FGF10: variants seen among roughly 807,000 people sequenced by gnomAD.
FGF10 encodes the protein FGF-10.
FGF10 carries 2 observed loss-of-function variants against 19.8 expected under a neutral mutation model. The observed-to-expected ratio is 0.10, with a 90% CI of 0.04 to 0.32. FGF10 has a LOEUF of 0.32. FGF10 is among the 10% of genes least tolerant of loss of function. The probability of loss-of-function intolerance (pLI) is 1.00; values close to 1 mark genes in which losing one functional copy is unlikely to be tolerated. For missense variants in FGF10, 191 were observed against 246.3 expected (o/e 0.78, Z 1.50); for synonymous variants, 112 against 94.0 (o/e 1.19, Z -1.10).
Position 44,304,232 on chromosome 5 carries a change from T to C in FGF10, c.*763A>G, listed in dbSNP as rs1218214896. 1 of 152,176 alleles carries C rather than the reference T, an allele frequency of 6.6e-6. No individual in the cohort carries two copies. Among genetic ancestry groups the C allele is most frequent in the Non-Finnish European group, 1.5e-5 (1 of 68,042 alleles). 9.4% of individuals were successfully genotyped at this position (152,176 alleles called of 1,614,324 possible). On this transcript the variant is annotated 3_prime_UTR_variant, in exon 3 of 3. Transcript: ENST00000264664. ...ATCCCAACTCCTATTTTTGAAGTGT[T>C]CGCCAAGTTTTAAAAACACTTTGTC... is the stretch of plus-strand genomic sequence containing the variant.
intron 1 of FGF10, among the ~76,000 whole-genome samples, chr5:44,325,183 A>T (rs532199132): frequency 6.6e-6 from 1 of 152,330 alleles, no homozygotes; most frequent in South Asian, 2.1e-4. Context: ...AACCACAGTG[A>T]GATACCATCT....
chr5:44,363,262 G>A (rs1461154078), intron 1 of FGF10, among the ~76,000 whole-genome samples: 4 of 151,754 alleles, frequency 2.6e-5, no homozygotes, highest in Non-Finnish European at 4.4e-5. Flanking sequence ...GTGAAAACTT[G>A]TATTAAAGCC....
intron 1 of FGF10, among the ~76,000 whole-genome samples, chr5:44,313,730 T>C (rs1247237161): frequency 6.6e-6 from 1 of 152,096 alleles, no homozygotes; most frequent in African/African-American, 2.4e-5. Flanking sequence ...ATTATTTATA[T>C]TAAGTTGTAA....
chr5:44,358,383 T>A (rs888317865), intron 1 of FGF10, among the ~76,000 whole-genome samples: 11 of 151,538 alleles, frequency 7.3e-5, no homozygotes, highest in Admixed American at 1.3e-4. Context: ...ATAGGGAATT[T>A]ATGTTCAAGA....
intron 1 of FGF10, among the ~76,000 whole-genome samples, chr5:44,314,023 G>T (rs1185631237): frequency 6.6e-6 from 1 of 152,090 alleles, no homozygotes; most frequent in East Asian, 1.9e-4. Context: ...ATGGGGCAAA[G>T]GTAAAGGCAG....
chr5:44,309,941 A>T (rs1312766274), intron 2 of FGF10, among the ~76,000 whole-genome samples: 3 of 152,122 alleles, frequency 2.0e-5, no homozygotes, highest in Non-Finnish European at 4.4e-5. Flanking sequence ...GGTAAATAAA[A>T]TTCTAGAGTT....
chr5:44,328,584 C>T (rs990870026), intron 1 of FGF10, among the ~76,000 whole-genome samples: 5 of 152,170 alleles, frequency 3.3e-5, no homozygotes, highest in South Asian at 4.1e-4. Context: ...ATAGTGAGAC[C>T]GCGTCACTAC....
At chr5:44,312,045 C>G (rs1740223400) in intron 1 of FGF10, among the ~76,000 whole-genome samples, 1 of 152,030 alleles carries the variant, frequency 6.6e-6, no homozygotes, top group Admixed American at 6.6e-5. Flanking sequence ...TGTAGGAAGT[C>G]TCTGACCTAA....
rs558968192 is a variant in FGF10 at position 44,357,441 on chromosome 5, G to A, written c.325+30917C>T. ...TAATGAACTTTCTATCAGAGAAATGGATGGAATTGAGAATTCACAGTTGAA... is the reference window on the plus strand; with the variant it reads ...TAATGAACTTTCTATCAGAGAAATGAATGGAATTGAGAATTCACAGTTGAA... On this transcript the variant is annotated intron_variant, in intron 1 of 2. Coordinates refer to ENST00000264664, the MANE Select transcript of FGF10 (RefSeq NM_004465.2). 2.0e-5 allele frequency among the ~76,000 whole-genome samples: 3 copies of A among 151,574 alleles called. No individual in the cohort carries two copies. In the South Asian group the frequency reaches 6.2e-4, roughly 31 times the overall value.
chr5:44,375,280 T>G (rs1291627114), intron 1 of FGF10, among the ~76,000 whole-genome samples: 1 of 152,096 alleles, frequency 6.6e-6, no homozygotes, highest in Admixed American at 6.5e-5. Flanking sequence ...ACTAATCAAG[T>G]GTGGTATTGC....
chr5:44,363,464 T>C (rs889251526), intron 1 of FGF10, among the ~76,000 whole-genome samples: 1 of 151,856 alleles, frequency 6.6e-6, no homozygotes, highest in Non-Finnish European at 1.5e-5. Context: ...AAAACATAGA[T>C]TGGAAAATTT....
intron 1 of FGF10, among the ~76,000 whole-genome samples, chr5:44,352,526 T>G (rs1430104209): frequency 6.6e-6 from 1 of 151,626 alleles, no homozygotes; most frequent in African/African-American, 2.4e-5. Context: ...ATCAACAGTC[T>G]AAAGCTCAAA....
intron 1 of FGF10, among the ~76,000 whole-genome samples, chr5:44,322,133 T>G (rs1050899461): frequency 6.6e-6 from 1 of 152,146 alleles, no homozygotes; most frequent in Non-Finnish European, 1.5e-5. Flanking sequence ...TTTTGAGTTA[T>G]GAGAACTACT....
chr5:44,367,887 C>T (rs1316947416), intron 1 of FGF10, among the ~76,000 whole-genome samples: 4 of 148,630 alleles, frequency 2.7e-5, no homozygotes, highest in Admixed American at 6.7e-5. Context: ...ATGTAATGTG[C>T]TAATACACAA....
rs570375079 is a variant in FGF10, at chr5:44,383,915, C to A, written c.325+4443G>T. On this transcript the variant is annotated intron_variant, in intron 1 of 2. Coordinates refer to ENST00000264664, the MANE Select transcript of FGF10 (RefSeq NM_004465.2). Reference sequence around the variant, plus strand: ...ACTTCTGAGTTCCTATTTTCCTCAACAATTATTTTTTTCTCACTTCATTTA... The same window carrying A: ...ACTTCTGAGTTCCTATTTTCCTCAAAAATTATTTTTTTCTCACTTCATTTA... Among the ~76,000 whole-genome samples the A allele has an allele frequency of 1.1e-3, 167 of 152,206 alleles. 1 individual carries two copies. The highest frequency in any genetic ancestry group is 7.4e-4 in the Non-Finnish European group (50 of 67,934).
chr5:44,308,683 A>G (rs1484793897), intron 2 of FGF10, among the ~76,000 whole-genome samples: 2 of 152,022 alleles, frequency 1.3e-5, no homozygotes, highest in East Asian at 3.9e-4. Context: ...AATTCCTCTG[A>G]CCCCCATGCA....
At chr5:44,345,298 A>C (rs1315851926) in intron 1 of FGF10, among the ~76,000 whole-genome samples, 1 of 151,598 alleles carries the variant, frequency 6.6e-6, no homozygotes, top group Non-Finnish European at 1.5e-5. Context: ...GAAAAAAATC[A>C]GTAAAATAAA....
In FGF10 at chr5:44,372,393, C is replaced by T. The variant is rs138220603; in HGVS notation, c.325+15965G>A. Reference sequence around the variant, plus strand: ...AGGACATTTGTCATGGTATATGAGGCCCACTTGAATAATCCAGGATAATCT... The same window carrying T: ...AGGACATTTGTCATGGTATATGAGGTCCACTTGAATAATCCAGGATAATCT... On this transcript the variant is annotated intron_variant, in intron 1 of 2. Transcript: ENST00000264664. Among the ~76,000 whole-genome samples, 235 of 152,208 alleles carry T rather than the reference C, an allele frequency of 1.5e-3. 1 individual carries two copies. Among genetic ancestry groups the T allele is most frequent in the Non-Finnish European group, 2.6e-3 (174 of 68,018 alleles).
At chr5:44,362,171 C>T (rs1235861221) in intron 1 of FGF10, among the ~76,000 whole-genome samples, 2 of 151,816 alleles carry the variant, frequency 1.3e-5, no homozygotes, top group East Asian at 1.9e-4. Flanking sequence ...GGACTAGTTA[C>T]TCCTTAATTC....
Sources: gnomAD v4.1 joint callset for allele counts (sites outside exome capture counted in the v4.1 genomes callset) on GRCh38, gnomAD v4.1.1 for gene constraint, MANE v1.5 for transcripts, NCBI Gene and HGNC (gene_info 2026-07-23, HGNC 2026-07-21) for gene names.